Variants in BCL2 observed in about 807,000 individuals in gnomAD.
BCL2 encodes BCL2 apoptosis regulator.
A neutral mutation model predicts 14.2 loss-of-function variants in BCL2; 1 was observed. That is an observed-to-expected ratio of 0.07 (90% CI 0.02 to 0.33). The LOEUF is 0.33. Among genes scored for constraint, BCL2 ranks in the 10% least tolerant of loss-of-function variants. The pLI is 0.99. For synonymous variants in BCL2, 151 were observed against 137.2 expected (o/e 1.10, Z -0.70); for missense variants, 247 against 305.9 (o/e 0.81, Z 1.44).
intron 2 of BCL2, among the ~76,000 whole-genome samples, chr18:63,295,830 C>T (rs1481794420): frequency 6.6e-6 from 1 of 152,144 alleles, no homozygotes; most frequent in Non-Finnish European, 1.5e-5. Context: ...CTGCCTTGTC[C>T]TTCCATCCCT....
chr18:63,149,889 AT>A lies in BCL2; in HGVS notation c.586-21131del, dbSNP rs1251140017. On this transcript the variant is annotated intron_variant, in intron 2 of 2. Transcript: ENST00000333681. This position sits in a 1 kb window ranked among gnomAD's most constrained non-coding sequence, Gnocchi z 4.2. ...TATTTATTTATTTATTTATTTATTT[AT>A]TTTGAGACAGCGTCTCCCTCTGTCA... Among the ~76,000 whole-genome samples the A allele has an allele frequency of 2.1e-5, 3 of 139,764 alleles. No homozygotes were observed. Among genetic ancestry groups the A allele is most frequent in the African/African-American group, 8.1e-5 (3 of 37,136 alleles). 91.7% of individuals were successfully genotyped at this position (139,764 alleles called of 152,430 possible). A position where few individuals can be genotyped will look rare whatever the true frequency, so the allele number is the denominator to read the frequency against.
chr18:63,218,739 A>C (rs145871741), intron 2 of BCL2, among the ~76,000 whole-genome samples: 10 of 2,110 alleles, frequency 4.7e-3, no homozygotes, highest in East Asian at 0.011. Flanking sequence ...TCCTCCACTC[A>C]TCTCCATCCT....
At chr18:63,151,218 C>CT (rs1914643893) in intron 2 of BCL2, 1 of 152,194 alleles carries the variant, frequency 6.6e-6, no homozygotes, top group African/African-American at 2.4e-5. Flanking sequence ...CCCTAAGCTA[C>CT]TTTTTTGCCT....
In BCL2 at chr18:63,302,250, G is replaced by A. The variant is rs917969352; in HGVS notation, c.585+15832C>T. The A allele has an allele frequency of 1.6e-5, 12 of 770,042 alleles. No individual in the cohort carries two copies. The South Asian group carries it at 5.3e-4, about 34-fold the overall frequency. The allele number at this position is 770,042 out of a possible 1,614,324, so 47.7% of individuals were successfully genotyped here. On this transcript the variant is annotated intron_variant, in intron 2 of 2. Transcript: ENST00000333681. ...CGGGAGGCTGAGGTTGCAGTGAGCC[G>A]GGACTGCACCACTGCACTCCAGCCT... is the stretch of plus-strand genomic sequence containing the variant.
intron 2 of BCL2, among the ~76,000 whole-genome samples, chr18:63,266,306 C>A (rs1911821175): frequency 6.6e-6 from 1 of 151,074 alleles, no homozygotes; most frequent in African/African-American, 2.4e-5. Flanking sequence ...TCAAACAAAG[C>A]AAATTAAAAA....
intron 2 of BCL2, among the ~76,000 whole-genome samples, chr18:63,157,612 T>G (rs537823798): frequency 2.0e-5 from 3 of 152,358 alleles, no homozygotes; most frequent in African/African-American, 7.2e-5. Context: ...CGCAGTGCAC[T>G]GTGTAAAGGT....
intron 2 of BCL2, among the ~76,000 whole-genome samples, chr18:63,313,508 C>G (rs1913400184): frequency 6.6e-6 from 1 of 152,180 alleles, no homozygotes. Context: ...AAAGGTTGAA[C>G]AGAACCTTTG....
intron 2 of BCL2, among the ~76,000 whole-genome samples, chr18:63,191,882 A>T (rs1909299315): frequency 6.6e-6 from 1 of 152,256 alleles, no homozygotes; most frequent in Non-Finnish European, 1.5e-5. Flanking sequence ...AAATTAAAAA[A>T]GAAAATTGGC....
chr18:63,227,650 A>C (rs888141525), intron 2 of BCL2, among the ~76,000 whole-genome samples: 2 of 152,254 alleles, frequency 1.3e-5, no homozygotes, highest in African/African-American at 4.8e-5. Flanking sequence ...AAAAACAAGT[A>C]AAGAAGTAGC....
chr18:63,190,172 T>C (rs1488212808), intron 2 of BCL2, among the ~76,000 whole-genome samples: 1 of 152,076 alleles, frequency 6.6e-6, no homozygotes, highest in African/African-American at 2.4e-5. Flanking sequence ...TGAAAAAGGG[T>C]AATTTCCCAT....
chr18:63,156,739 C>G (rs895394601), intron 2 of BCL2, among the ~76,000 whole-genome samples: 2 of 152,180 alleles, frequency 1.3e-5, no homozygotes, highest in Non-Finnish European at 2.9e-5. Flanking sequence ...AGGAATGCCT[C>G]TAACTCTGCT....
intron 2 of BCL2, among the ~76,000 whole-genome samples, chr18:63,198,584 A>G (rs1413715672): frequency 6.6e-6 from 1 of 150,762 alleles, no homozygotes; most frequent in African/African-American, 2.4e-5. Flanking sequence ...ACACAGACAC[A>G]TAGACACAGA....
chr18:63,275,920 C>T (rs1016970646), intron 2 of BCL2, among the ~76,000 whole-genome samples: 3 of 152,204 alleles, frequency 2.0e-5, no homozygotes, highest in Non-Finnish European at 4.4e-5. Flanking sequence ...TTATTTATTG[C>T]AGGAAAAGGA....
chr18:63,243,657 G>A (rs1381453703), intron 2 of BCL2, among the ~76,000 whole-genome samples: 1 of 152,182 alleles, frequency 6.6e-6, no homozygotes, highest in Non-Finnish European at 1.5e-5. Flanking sequence ...CCCACTCCGG[G>A]AAATCGAGCA....
At chr18:63,225,304 C>A (rs1389924286) in intron 2 of BCL2, among the ~76,000 whole-genome samples, 2 of 151,990 alleles carry the variant, frequency 1.3e-5, no homozygotes, top group Non-Finnish European at 2.9e-5. Context: ...GGAGAGGAAG[C>A]TGTGGATATG....
intron 2 of BCL2, among the ~76,000 whole-genome samples, chr18:63,270,497 A>C (rs1911975346): frequency 6.6e-6 from 1 of 152,226 alleles, no homozygotes; most frequent in Non-Finnish European, 1.5e-5. Context: ...TCTGCATAAA[A>C]AGAGGGAAAG....
At chr18:63,273,176 G>C (rs564955548) in intron 2 of BCL2, among the ~76,000 whole-genome samples, 147 of 152,330 alleles carry the variant, frequency 9.7e-4, no homozygotes, top group Middle Eastern at 3.4e-3. Flanking sequence ...AGACTCATGA[G>C]TGGGGCTAAC....
intron 2 of BCL2, among the ~76,000 whole-genome samples, chr18:63,199,908 C>T (rs1435978576): frequency 1.7e-4 from 26 of 151,796 alleles, no homozygotes; most frequent in African/African-American, 4.8e-5. Context: ...GGACCAAAAC[C>T]GTAACAAACA....
intron 2 of BCL2, among the ~76,000 whole-genome samples, chr18:63,267,621 T>C (rs1911870851): frequency 6.6e-6 from 1 of 152,152 alleles, no homozygotes; most frequent in East Asian, 1.9e-4. Flanking sequence ...AAACATCTTA[T>C]AGGTGATCTG....
Sources: gnomAD v4.1 joint callset for allele counts (sites outside exome capture counted in the v4.1 genomes callset) on GRCh38, gnomAD v4.1.1 for gene constraint, Gnocchi (gnomAD v3.1) non-coding constraint, MANE v1.5 for transcripts, NCBI Gene and HGNC (gene_info 2026-07-23, HGNC 2026-07-21) for gene names.